The following PTPRN2 variants were observed in gnomAD, a reference collection of about 807,000 sequenced individuals.
The protein encoded by PTPRN2 is receptor-type tyrosine-protein phosphatase N2.
Under a neutral mutation model 118.8 loss-of-function variants are expected in PTPRN2, and 74 were observed. The ratio of observed to expected loss-of-function variants is 0.62; its 90% CI spans 0.52 to 0.76. The LOEUF (loss-of-function observed/expected upper bound fraction) is 0.76, where lower values mean the gene tolerates loss of function less well. Ranked by LOEUF, PTPRN2 falls within the 30% of genes least tolerant of loss-of-function variation. The probability of loss-of-function intolerance (pLI) is 0.00; values close to 1 mark genes in which losing one functional copy is unlikely to be tolerated. For synonymous variants in PTPRN2, 641 were observed against 608.0 expected, an observed-to-expected ratio of 1.05 and a Z score of -0.80; for missense variants, 1,481 against 1,394.4, an observed-to-expected ratio of 1.06 and a Z score of -0.99.
rs1801673906 is a variant in PTPRN2 at position 157,754,612 on chromosome 7, C to T, written c.1789-71675G>A. ...GCTTCATCACCACCTTTGGAGGAGG[C>T]CGAGGCTCCGGCTGGAAAGGTGCCC... On this transcript the variant is annotated intron_variant, in intron 12 of 22. Coordinates refer to ENST00000389418, the MANE Select transcript of PTPRN2 (RefSeq NM_002847.5). Among the ~76,000 whole-genome samples the T allele has an allele frequency of 5.3e-5, 8 of 152,352 alleles. No homozygotes were observed. In the South Asian group the frequency reaches 1.7e-3, roughly 32 times the overall value.
At chr7:158,375,416 G>C (rs1463864917) in intron 2 of PTPRN2, among the ~76,000 whole-genome samples, 1 of 152,224 alleles carries the variant, frequency 6.6e-6, no homozygotes. Flanking sequence ...AGGCAGCCAG[G>C]CTCAAGCTCC....
In PTPRN2 at chr7:158,133,758, T is replaced by A. The variant is rs1360342326; in HGVS notation, c.1475A>T (p.Gln492Leu). 6.2e-7 allele frequency: 1 copy of A among 1,613,768 alleles called. No homozygotes were observed. Among genetic ancestry groups the A allele is most frequent in the Admixed American group, 1.7e-5 (1 of 60,028 alleles). Residue 492 changes from glutamine (Q) to leucine (L), a missense_variant, in exon 9 of 23, where the codon CAG (glutamine) becomes CTG (leucine). Coordinates refer to ENST00000389418, the MANE Select transcript of PTPRN2 (RefSeq NM_002847.5). ...KEEQSLPAGA[Q>L]EALSDGLQLE... ...TTGCAGGCCGTCGCTGAGGGCCTCC[T>A]GAGCACCCGCTGGAAGGCTCTGCTC...
intron 14 of PTPRN2, among the ~76,000 whole-genome samples, chr7:157,635,520 A>G (rs545456655): frequency 6.6e-6 from 1 of 152,270 alleles, no homozygotes; most frequent in African/African-American, 2.4e-5. Flanking sequence ...GTCATTCACC[A>G]TCTAAAATCA....
intron 12 of PTPRN2, among the ~76,000 whole-genome samples, chr7:157,692,075 C>T (rs548684774): frequency 1.3e-5 from 2 of 152,360 alleles, no homozygotes; most frequent in South Asian, 2.1e-4. Flanking sequence ...TCTTGTCACA[C>T]GCAGATGACA....
chr7:158,482,086 A>T (rs1280343801), intron 2 of PTPRN2, among the ~76,000 whole-genome samples: 5 of 152,198 alleles, frequency 3.3e-5, no homozygotes, highest in Non-Finnish European at 7.4e-5. Context: ...CCACAATCTC[A>T]TGATAAAACT....
chr7:157,581,145 C>T (rs1800363382), intron 17 of PTPRN2, among the ~76,000 whole-genome samples: 1 of 151,248 alleles, frequency 6.6e-6, no homozygotes, highest in African/African-American at 2.4e-5. Flanking sequence ...CTGCACACAC[C>T]AGCACCTGCA....
chr7:158,324,860 T>A (rs1803356896), intron 2 of PTPRN2, among the ~76,000 whole-genome samples: 1 of 152,138 alleles, frequency 6.6e-6, no homozygotes, highest in Non-Finnish European at 1.5e-5. Flanking sequence ...AAAGTACTCT[T>A]GCCACACTTT....
intron 11 of PTPRN2, among the ~76,000 whole-genome samples, chr7:158,080,334 A>C (rs66550357): frequency 1.8e-4 from 23 of 131,120 alleles, no homozygotes; most frequent in African/African-American, 5.2e-4. Flanking sequence ...AAAAAAAAAA[A>C]AAAAAAACAA....
chr7:158,151,013 C>A (rs541989146), intron 6 of PTPRN2, among the ~76,000 whole-genome samples: 1 of 148,560 alleles, frequency 6.7e-6, no homozygotes, highest in African/African-American at 2.5e-5. Context: ...GCCTCCTATG[C>A]GGGAAGCCAG....
intron 22 of PTPRN2, among the ~76,000 whole-genome samples, chr7:157,545,173 A>T (rs1798234486): frequency 2.5e-5 from 3 of 120,354 alleles, no homozygotes; most frequent in African/African-American, 1.0e-4. Flanking sequence ...TGTGTGGCTG[A>T]GTGGTGTTTG....
chr7:158,471,885 G>T (rs1424734397), intron 2 of PTPRN2, among the ~76,000 whole-genome samples: 1 of 152,236 alleles, frequency 6.6e-6, no homozygotes, highest in African/African-American at 2.4e-5. Flanking sequence ...TCTGTTGCCC[G>T]TTCTGTCGGC....
intron 12 of PTPRN2, among the ~76,000 whole-genome samples, 190 bp from the exon 13 acceptor site, chr7:157,683,127 A>G (rs1796992618): frequency 6.6e-6 from 1 of 152,240 alleles, no homozygotes. Context: ...ATTTGAAAAT[A>G]GCACATCGCA....
intron 11 of PTPRN2, among the ~76,000 whole-genome samples, chr7:157,945,312 G>T (rs62475404): frequency 6.6e-6 from 1 of 151,850 alleles, no homozygotes; most frequent in Non-Finnish European, 1.5e-5. Flanking sequence ...CACAGCCTCC[G>T]CCTGCTAGCT....
intron 9 of PTPRN2, among the ~76,000 whole-genome samples, chr7:158,131,522 C>T (rs1228217502): frequency 1.5e-4 from 23 of 151,642 alleles, no homozygotes; most frequent in African/African-American, 5.1e-4. Context: ...ACCCGACACA[C>T]ACACTCATAC....
intron 3 of PTPRN2, among the ~76,000 whole-genome samples, chr7:158,282,550 T>C (rs1284897982): frequency 6.6e-6 from 1 of 152,204 alleles, no homozygotes; most frequent in Non-Finnish European, 1.5e-5. Context: ...CCATACTTAC[T>C]CTGCAGGGCA....
At position 158,512,560 on chromosome 7, in the gene PTPRN2, T is replaced by TCA. The variant is rs145355140; in HGVS notation, c.113-22777_113-22776dup. Among the ~76,000 whole-genome samples the TCA allele has an allele frequency of 5.5e-3, 830 of 150,980 alleles. 10 individuals carry two copies. The highest frequency in any genetic ancestry group is 0.04 in the East Asian group (208 of 5,140). ...TGCACACACTCACACACATGCATAG[T>TCA]CACACACACACACACACATCTTCTC... On this transcript the variant is annotated intron_variant, in intron 1 of 22. Transcript: ENST00000389418.
intron 1 of PTPRN2, among the ~76,000 whole-genome samples, chr7:158,583,087 T>A (rs1828718965): frequency 6.6e-6 from 1 of 152,200 alleles, no homozygotes; most frequent in East Asian, 1.9e-4. Context: ...TTCACTCCCC[T>A]TCCTAGTCCC....
intron 1 of PTPRN2, among the ~76,000 whole-genome samples, chr7:158,548,488 G>A (rs962437390): frequency 2.0e-5 from 3 of 152,100 alleles, no homozygotes; most frequent in Non-Finnish European, 2.9e-5. Context: ...CCACTCCACC[G>A]AGCTCCGCCC....
At chr7:158,369,249 T>TTATATATATATATATA (rs770252182) in intron 2 of PTPRN2, among the ~76,000 whole-genome samples, 4 of 144,016 alleles carry the variant, frequency 2.8e-5, no homozygotes, top group South Asian at 2.3e-4. Context: ...AAACTCCCCT[T>TTATATATATATATATA]TATATATATA....
Sources: gnomAD v4.1 joint callset for allele counts (sites outside exome capture counted in the v4.1 genomes callset) on GRCh38, gnomAD v4.1.1 for gene constraint, MANE v1.5 for transcripts, NCBI Gene and HGNC (gene_info 2026-07-23, HGNC 2026-07-21) for gene names.